STYXL1: variants seen among roughly 807,000 people sequenced by gnomAD.
STYXL1 encodes serine/threonine/tyrosine interacting like 1.
Under a neutral mutation model 36.4 loss-of-function variants are expected in STYXL1, and 32 were observed. That is an observed-to-expected ratio of 0.88 (90% confidence interval 0.66 to 1.18). The LOEUF is 1.18. Among genes scored for constraint, STYXL1 ranks in the 50% most tolerant of loss-of-function variants. The pLI is 0.00. For synonymous variants in STYXL1, 133 were observed against 144.1 expected, an observed-to-expected ratio of 0.92 and a Z score of 0.55; for missense variants, 354 against 394.1, an observed-to-expected ratio of 0.90 and a Z score of 0.86.
At chr7:75,997,538 A>G (rs1244978686) in intron 8 of STYXL1, among the ~76,000 whole-genome samples, 1 of 152,224 alleles carries the variant, frequency 6.6e-6, no homozygotes, top group African/African-American at 2.4e-5. Flanking sequence ...TTTTCCTCTA[A>G]GATCGGGAAC....
intron 1 of STYXL1, among the ~76,000 whole-genome samples, chr7:76,036,303 G>A (rs1478596533): frequency 6.7e-6 from 1 of 149,756 alleles, no homozygotes; most frequent in East Asian, 1.9e-4. Context: ...GTTTCACCAT[G>A]TTGGCCAGGC....
At chr7:76,007,994 T>A (rs185841476) in intron 5 of STYXL1, among the ~76,000 whole-genome samples, 4 of 148,076 alleles carry the variant, frequency 2.7e-5, no homozygotes, top group Non-Finnish European at 6.0e-5. Context: ...AGGTCAGGAG[T>A]TTGAGACCAG....
chr7:76,006,254 C>A (rs1326497894), intron 5 of STYXL1, among the ~76,000 whole-genome samples: 1 of 151,916 alleles, frequency 6.6e-6, no homozygotes, highest in Non-Finnish European at 1.5e-5. Flanking sequence ...ATACTTTTAT[C>A]TTTTGTAGAG....
At chr7:76,034,423 C>T (rs1795717294) in intron 1 of STYXL1, among the ~76,000 whole-genome samples, 1 of 152,206 alleles carries the variant, frequency 6.6e-6, no homozygotes, top group African/African-American at 2.4e-5. Flanking sequence ...GGCTCAAACG[C>T]CTCAGCCTCT....
intron 4 of STYXL1, among the ~76,000 whole-genome samples, chr7:76,021,263 A>C (rs1200331544): frequency 6.6e-6 from 1 of 151,924 alleles, no homozygotes; most frequent in Non-Finnish European, 1.5e-5. Context: ...TTGTGTATTT[A>C]GTAGAGACGG....
intron 1 of STYXL1, among the ~76,000 whole-genome samples, chr7:76,040,476 C>T (rs1437087123): frequency 2.0e-5 from 3 of 152,204 alleles, no homozygotes; most frequent in Non-Finnish European, 4.4e-5. Flanking sequence ...GGTTGTTCTG[C>T]TGGGACCTAT....
chr7:76,006,915 G>T (rs1355041632), intron 5 of STYXL1, among the ~76,000 whole-genome samples: 3 of 152,152 alleles, frequency 2.0e-5, no homozygotes, highest in African/African-American at 7.2e-5. Context: ...GGGTTCAGGG[G>T]TTCAGATAAC....
chr7:76,039,919 T>A (rs1484860272), intron 1 of STYXL1, among the ~76,000 whole-genome samples: 2 of 152,182 alleles, frequency 1.3e-5, no homozygotes, highest in Admixed American at 1.3e-4. Context: ...AGTGCTGGGA[T>A]AACAGGCATT....
intron 1 of STYXL1, chr7:76,045,770 G>C (rs1189981249): frequency 5.9e-5 from 9 of 152,196 alleles, no homozygotes; most frequent in Non-Finnish European, 1.2e-4. Context: ...AACATTCATG[G>C]GACCGGCACA....
chr7:76,028,995 C>T (rs782488884), intron 2 of STYXL1, among the ~76,000 whole-genome samples: 8 of 150,858 alleles, frequency 5.3e-5, no homozygotes, highest in African/African-American at 7.3e-5. Flanking sequence ...GTGGTGGCAG[C>T]GCCTGTAGTC....
At chr7:76,035,533 C>A (rs541595849) in intron 1 of STYXL1, among the ~76,000 whole-genome samples, 1 of 149,722 alleles carries the variant, frequency 6.7e-6, no homozygotes, top group African/African-American at 2.4e-5. Context: ...TTCCCAACAC[C>A]GCCATCTGGA....
chr7:76,024,792 TGCAAAAATTA>T (rs1417711365), intron 3 of STYXL1, among the ~76,000 whole-genome samples: 1 of 151,184 alleles, frequency 6.6e-6, no homozygotes, highest in Non-Finnish European at 1.5e-5. Flanking sequence ...CTACTAAAAA[TGCAAAAATTA>T]GCCAGGTGTG....
At chr7:76,024,047 G>C (rs562612937) in intron 3 of STYXL1, among the ~76,000 whole-genome samples, 1 of 152,122 alleles carries the variant, frequency 6.6e-6, no homozygotes, top group East Asian at 1.9e-4. Context: ...TAAAAAGAAG[G>C]CAGTAAACAG....
chr7:76,038,428 T>C (rs918228009), intron 1 of STYXL1, among the ~76,000 whole-genome samples: 5 of 148,146 alleles, frequency 3.4e-5, no homozygotes, highest in African/African-American at 7.4e-5. Flanking sequence ...TGACATTTTT[T>C]TTTTTTTTTT....
chr7:76,016,741 T>A (rs999969687), intron 4 of STYXL1, among the ~76,000 whole-genome samples: 1 of 152,104 alleles, frequency 6.6e-6, no homozygotes, highest in Non-Finnish European at 1.5e-5. Context: ...AAATAATAGA[T>A]GTTGACAGGG....
intron 1 of STYXL1, among the ~76,000 whole-genome samples, chr7:76,047,239 C>A (rs190179250): frequency 1.0e-3 from 152 of 152,198 alleles, no homozygotes; most frequent in African/African-American, 3.3e-3. Context: ...CCAGCCTGGG[C>A]TAGAGAGACT....
intron 1 of STYXL1, among the ~76,000 whole-genome samples, chr7:76,037,852 C>T (rs1464629297): frequency 6.7e-6 from 1 of 149,952 alleles, no homozygotes; most frequent in Non-Finnish European, 1.5e-5. Context: ...GGGTCCACAG[C>T]CAATCCCCAC....
At position 75,996,440 on chromosome 7, in the gene STYXL1, A is replaced by C. The variant is rs1457351439; in HGVS notation, c.*28T>G. 6.2e-7 allele frequency: 1 copy of C among 1,614,048 alleles called. No homozygotes were observed. The highest frequency in any genetic ancestry group is 8.5e-7 in the Non-Finnish European group (1 of 1,180,010). ...AAAATGCCCCCAGGTGAGGCTCTTC[A>C]GTACCCTTCGGTGGGCCTCGGAGAA... On this transcript the variant is annotated 3_prime_UTR_variant, in exon 9 of 9. Transcript: ENST00000359697.
intron 3 of STYXL1, among the ~76,000 whole-genome samples, chr7:76,025,197 C>A (rs1794548203): frequency 6.7e-6 from 1 of 149,396 alleles, no homozygotes; most frequent in Non-Finnish European, 1.5e-5. Context: ...CTGGGAATGC[C>A]CTGAAGGCCT....
Sources: gnomAD v4.1 joint callset for allele counts (sites outside exome capture counted in the v4.1 genomes callset) on GRCh38, gnomAD v4.1.1 for gene constraint, MANE v1.5 for transcripts, NCBI Gene and HGNC (gene_info 2026-07-23, HGNC 2026-07-21) for gene names.